The following CTNNBL1 variants were observed in gnomAD, a reference collection of about 807,000 sequenced individuals.
CTNNBL1 encodes catenin beta like 1.
Under a neutral mutation model 72.7 loss-of-function variants are expected in CTNNBL1, and 31 were observed. The observed-to-expected ratio is 0.43, with a 90% CI of 0.32 to 0.58. CTNNBL1 has a LOEUF of 0.58. Ranked by LOEUF, CTNNBL1 falls within the 20% of genes least tolerant of loss-of-function variation. CTNNBL1 has a pLI of 0.08. For synonymous variants in CTNNBL1, 240 were observed against 267.3 expected (o/e 0.90, Z 1.00); for missense variants, 534 against 725.1 (o/e 0.74, Z 3.03).
chr20:37,707,854 C>T (rs1291137130), intron 1 of CTNNBL1, among the ~76,000 whole-genome samples: 1 of 152,108 alleles, frequency 6.6e-6, no homozygotes, highest in Non-Finnish European at 1.5e-5. Flanking sequence ...TTCACTTGAA[C>T]ACTTAGGGCC....
chr20:37,815,533 C>T (rs1180044330), intron 11 of CTNNBL1, among the ~76,000 whole-genome samples: 1 of 151,902 alleles, frequency 6.6e-6, no homozygotes, highest in Non-Finnish European at 1.5e-5. Flanking sequence ...GGTCAGGCTG[C>T]TCTCGAACTC....
At chr20:37,733,197 G>A (rs549428893) in intron 2 of CTNNBL1, 130 bp downstream of exon 2, 91 of 775,780 alleles carry the variant, frequency 1.2e-4, no homozygotes, top group South Asian at 3.1e-4. Context: ...ATATTTCATC[G>A]CGTTAATGTG....
chr20:37,771,492 T>C (rs2073523193), intron 7 of CTNNBL1, among the ~76,000 whole-genome samples: 1 of 152,210 alleles, frequency 6.6e-6, no homozygotes, highest in East Asian at 1.9e-4. Flanking sequence ...CCACCTTCTC[T>C]GCCTCTTACC....
intron 13 of CTNNBL1, 54 bp downstream of exon 13, chr20:37,842,473 C>A: frequency 8.4e-7 from 1 of 1,187,838 alleles, no homozygotes; most frequent in Non-Finnish European, 1.3e-6. Flanking sequence ...CCGTTTGGGT[C>A]CCTTGTGTTC....
chr20:37,823,809 A>T (rs75761608), intron 11 of CTNNBL1, among the ~76,000 whole-genome samples: 3,611 of 152,268 alleles, frequency 0.024, 135 homozygotes, highest in African/African-American at 0.081. Flanking sequence ...GACATTGCTG[A>T]TGAGGGAGAA....
intron 10 of CTNNBL1, among the ~76,000 whole-genome samples, chr20:37,793,133 C>A (rs916336130): frequency 6.6e-6 from 1 of 152,176 alleles, no homozygotes; most frequent in Non-Finnish European, 1.5e-5. Flanking sequence ...TTATAAATGT[C>A]AAATAGGTTA....
chr20:37,842,227 G>A, intron 12 of CTNNBL1, 112 bp from the exon 13 acceptor site: 1 of 742,552 alleles, frequency 1.3e-6, no homozygotes, highest in Non-Finnish European at 2.4e-6. Flanking sequence ...AGGAGTGCCA[G>A]AGCGGGTCTC....
intron 1 of CTNNBL1, among the ~76,000 whole-genome samples, chr20:37,712,199 G>A (rs370533631): frequency 6.6e-6 from 1 of 152,196 alleles, no homozygotes; most frequent in African/African-American, 2.4e-5. Context: ...TCAAGAAGCA[G>A]CGCTCTCCTT....
At chr20:37,861,757 G>C (rs776381327) in intron 15 of CTNNBL1, among the ~76,000 whole-genome samples, 2 of 152,196 alleles carry the variant, frequency 1.3e-5, no homozygotes, top group African/African-American at 4.8e-5. Context: ...CAGTTGCTCT[G>C]TGACCTCCTA....
chr20:37,867,264 T>C (rs1568819317), intron 15 of CTNNBL1, among the ~76,000 whole-genome samples: 1 of 152,140 alleles, frequency 6.6e-6, no homozygotes, highest in Non-Finnish European at 1.5e-5. Context: ...TGGGCATTCC[T>C]CCTCTCTCCT....
At chr20:37,864,956 TG>T (rs2072525077) in intron 15 of CTNNBL1, among the ~76,000 whole-genome samples, 5 of 151,910 alleles carry the variant, frequency 3.3e-5, no homozygotes, top group Admixed American at 3.3e-4. Flanking sequence ...GCCTAGAAAG[TG>T]GGGTAACAAG....
intron 2 of CTNNBL1, among the ~76,000 whole-genome samples, chr20:37,736,746 T>G (rs1166456959): frequency 6.6e-6 from 1 of 151,936 alleles, no homozygotes; most frequent in African/African-American, 2.4e-5. Context: ...GGTCTTGAAC[T>G]CCTGACCTCA....
intron 3 of CTNNBL1, among the ~76,000 whole-genome samples, chr20:37,743,571 A>G (rs1201616612): frequency 6.6e-6 from 1 of 152,254 alleles, no homozygotes; most frequent in Non-Finnish European, 1.5e-5. Context: ...GCAGTAACAC[A>G]CATAAAACAT....
intron 10 of CTNNBL1, among the ~76,000 whole-genome samples, chr20:37,793,238 T>C (rs2073741454): frequency 6.6e-6 from 1 of 152,234 alleles, no homozygotes; most frequent in Admixed American, 6.5e-5. Context: ...AACCTCTGAC[T>C]GTAATTCGGG....
chr20:37,844,387 C>A (rs1031416784), intron 13 of CTNNBL1, among the ~76,000 whole-genome samples: 1 of 152,144 alleles, frequency 6.6e-6, no homozygotes, highest in Non-Finnish European at 1.5e-5. Context: ...CATGTTTTCC[C>A]TCATTCCCTC....
chr20:37,813,950 G>A lies in CTNNBL1; in HGVS notation c.1213+10902G>A, dbSNP rs6021088. ...TATGCTTCCTAATGTTGCCATTTGG[G>A]GGCCTTTTTTGTTCTTTGTCCGCTA... On this transcript the variant is annotated intron_variant, in intron 11 of 15. Coordinates refer to ENST00000361383, the MANE Select transcript of CTNNBL1 (RefSeq NM_030877.5). Among the ~76,000 whole-genome samples, 32 of 152,150 alleles carry A rather than the reference G, an allele frequency of 2.1e-4. 2 individuals carry two copies. Among genetic ancestry groups the A allele is most frequent in the African/African-American group, 7.5e-4 (31 of 41,512 alleles).
At chr20:37,762,835 T>G (rs2073429907) in intron 5 of CTNNBL1, among the ~76,000 whole-genome samples, 1 of 152,220 alleles carries the variant, frequency 6.6e-6, no homozygotes, top group Non-Finnish European at 1.5e-5. Context: ...ACATAAAGTT[T>G]CACAGTTTGC....
intron 11 of CTNNBL1, among the ~76,000 whole-genome samples, chr20:37,837,834 C>T (rs775277919): frequency 2.6e-4 from 39 of 152,216 alleles, no homozygotes; most frequent in Middle Eastern, 3.4e-3. Flanking sequence ...GTTTTAGAAC[C>T]GGGGATATGG....
At chr20:37,742,446 T>C (rs2122615802) in intron 3 of CTNNBL1, among the ~76,000 whole-genome samples, 1 of 152,364 alleles carries the variant, frequency 6.6e-6, no homozygotes, top group East Asian at 1.9e-4. Context: ...ATTACAGTTA[T>C]GGTTCAATAA....
Sources: allele counts gnomAD v4.1 joint callset (sites outside exome capture counted in the v4.1 genomes callset), GRCh38; gene constraint gnomAD v4.1.1; transcripts MANE v1.5; gene names NCBI Gene and HGNC (gene_info 2026-07-23, HGNC 2026-07-21).